Variants in CSF1 observed in about 807,000 individuals in gnomAD.
CSF1 encodes the protein colony stimulating factor 1.
Under a neutral mutation model 48.9 loss-of-function variants are expected in CSF1, and 9 were observed. That is an observed-to-expected ratio of 0.18 (90% CI 0.11 to 0.32). CSF1 has a LOEUF of 0.32. Ranked by LOEUF, CSF1 falls within the 10% of genes least tolerant of loss-of-function variation. CSF1 has a pLI of 1.00. For synonymous variants in CSF1, 305 were observed against 284.1 expected (o/e 1.07, Z -0.74); for missense variants, 672 against 697.9 (o/e 0.96, Z 0.42).
chr1:109,924,085 C>A lies in CSF1; in HGVS notation c.1464C>A (p.Ser488=). ...DTGHERQSEG[S]FSPQLQESVF... is the part of the protein sequence containing the mutation. ...GCCATGAGAGGCAGTCCGAGGGATC[C>A]TTCAGCCCGCAGCTCCAGGAGTCTG... Residue 488 remains serine, a synonymous_variant, in exon 6 of 9, where the codon TCC becomes TCA. Coordinates refer to ENST00000329608, the MANE Select transcript of CSF1 (RefSeq NM_000757.6). 1 of 1,614,196 alleles carries A rather than the reference C, an allele frequency of 6.2e-7. No individual in the cohort carries two copies. The highest frequency in any genetic ancestry group is 8.5e-7 in the Non-Finnish European group (1 of 1,180,012).
Position 109,923,211 on chromosome 1 carries a change from T to C in CSF1, c.590T>C (p.Ile197Thr). The change falls in exon 6 of 9, where the codon ATC becomes ACC. Residue 197 changes from isoleucine (I) to threonine (T), a missense_variant. This residue lies in a region of CSF1 where 591 missense variants were observed against 593.6 expected (regional missense o/e 1.00). Transcript: ENST00000329608. ...PDCNCLYPKA[I>T]PSSDPASVSP... ...TGCAACTGCCTGTACCCCAAAGCCATCCCTAGCAGTGACCCGGCCTCTGTC... is the reference window on the plus strand; with the variant it reads ...TGCAACTGCCTGTACCCCAAAGCCACCCCTAGCAGTGACCCGGCCTCTGTC... 1 of 1,542,494 alleles carries C rather than the reference T, an allele frequency of 6.5e-7. No individual in the cohort carries two copies. The highest frequency in any genetic ancestry group is 8.7e-7 in the Non-Finnish European group (1 of 1,146,738).
At chr1:109,911,103 G>A in intron 1 of CSF1, 41 bp downstream of exon 1, 1 of 1,005,242 alleles carries the variant, frequency 9.9e-7, no homozygotes, top group Non-Finnish European at 1.2e-6. Context: ...ACGGGCTGGG[G>A]CGGGGGCTCG....
At position 109,919,047 on chromosome 1, in the gene CSF1, GT is replaced by G. The variant is rs369445047; in HGVS notation, c.396+1586del. Among the ~76,000 whole-genome samples the G allele has an allele frequency of 7.7e-4, 118 of 152,272 alleles. 2 individuals are homozygous for G. The South Asian group carries it at 0.024, about 31-fold the overall frequency. ...AAGGGATGGAGATTCATAAAAAAGCGTTGAGAAATCAAGCAAGGTGAGGGCT... is the reference window on the plus strand; with the variant it reads ...AAGGGATGGAGATTCATAAAAAAGCGTGAGAAATCAAGCAAGGTGAGGGCT... On this transcript the variant is annotated intron_variant, in intron 4 of 8. Coordinates refer to ENST00000329608, the MANE Select transcript of CSF1 (RefSeq NM_000757.6).
rs1447256991 is a variant in CSF1, at chr1:109,910,975, C to T, written c.-49C>T. On this transcript the variant is annotated 5_prime_UTR_variant, in exon 1 of 9. Transcript: ENST00000329608. ...CACTCCGCAGCAGCCAGCGAGCGAG[C>T]GAGCGAGCGAGGGCGGCCGACGCGC... 2 of 1,144,078 alleles carry T rather than the reference C, an allele frequency of 1.7e-6. No individual in the cohort carries two copies. The highest frequency in any genetic ancestry group is 1.1e-6 in the Non-Finnish European group (1 of 932,206). 70.9% of individuals were successfully genotyped at this position (1,144,078 alleles called of 1,614,324 possible). A position where few individuals can be genotyped will look rare whatever the true frequency, so the allele number is the denominator to read the frequency against.
intron 4 of CSF1, among the ~76,000 whole-genome samples, chr1:109,919,780 G>A (rs978351382): frequency 6.6e-5 from 10 of 151,280 alleles, no homozygotes; most frequent in South Asian, 2.1e-4. Flanking sequence ...CCAACAGGGC[G>A]AAACCCCATC....
At chr1:109,924,454 T>C (rs1647745318) in intron 6 of CSF1, among the ~76,000 whole-genome samples, 1 of 151,866 alleles carries the variant, frequency 6.6e-6, no homozygotes, top group Non-Finnish European at 1.5e-5. Flanking sequence ...CAGGATGATA[T>C]CCAGACGGGC....
chr1:109,915,687 G>C lies in CSF1; in HGVS notation c.216G>C (p.Gln72His), dbSNP rs1180101571. ...SCQITFEFVD[Q>H]EQLKDPVCYL... The stretch of plus-strand genomic sequence containing the variant: ...AAATTACATTTGAGTTTGTAGACCA[G>C]GAACAGTTGGTGAGTGATGGCTTTT... The change falls in exon 3 of 9, where the codon CAG becomes CAC. Residue 72 changes from glutamine to histidine, a missense_variant. By Grantham distance (24) the Gln-to-His change is conservative. Coordinates refer to ENST00000329608, the MANE Select transcript of CSF1 (RefSeq NM_000757.6). 6.2e-7 allele frequency: 1 copy of C among 1,613,646 alleles called. No homozygotes were observed. The highest frequency in any genetic ancestry group is 8.5e-7 in the Non-Finnish European group (1 of 1,179,542).
At chr1:109,914,850 C>A (rs901545124) in intron 2 of CSF1, among the ~76,000 whole-genome samples, 2 of 152,252 alleles carry the variant, frequency 1.3e-5, no homozygotes, top group African/African-American at 4.8e-5. Flanking sequence ...TAACTCCCAG[C>A]CTTCCACACT....
intron 8 of CSF1, 58 bp downstream of exon 8, chr1:109,925,260 C>T (rs901911909): frequency 5.5e-6 from 8 of 1,459,258 alleles, no homozygotes; most frequent in South Asian, 1.1e-5. Flanking sequence ...TTTCCAGTCA[C>T]GTTCACCTGT....
Position 109,923,034 on chromosome 1 carries a change from G to A in CSF1, c.545-132G>A. 7 of 837,164 alleles carry A rather than the reference G, an allele frequency of 8.4e-6. 1 individual carries two copies. The South Asian group carries it at 1.3e-4, about 15-fold the overall frequency. The allele number at this position is 837,164 out of a possible 1,614,324, so 51.9% of individuals were successfully genotyped here. A position where few individuals can be genotyped will look rare whatever the true frequency, so the allele number is the denominator to read the frequency against. On this transcript the variant is annotated intron_variant, in intron 5 of 8. Coordinates refer to ENST00000329608, the MANE Select transcript of CSF1 (RefSeq NM_000757.6). The stretch of plus-strand genomic sequence containing the variant: ...AGTCCCATCCTCTTCTCAGCCCCAG[G>A]GCTGAGCTAGGAGATGAGGGCCCCC...
At chr1:109,928,004 G>C (rs922491350) in intron 8 of CSF1, among the ~76,000 whole-genome samples, 1 of 152,212 alleles carries the variant, frequency 6.6e-6, no homozygotes, top group African/African-American at 2.4e-5. Flanking sequence ...CATGGGAATG[G>C]GCAGGGAGCC....
In CSF1 at chr1:109,923,735, C is replaced by T; in HGVS notation, c.1114C>T (p.Pro372Ser). Residue 372 changes from proline to serine, a missense_variant, in exon 6 of 9, where the codon CCC (proline) becomes TCC (serine). Transcript: ENST00000329608. ...TGGTACCGCCTTGCCCAGGGTGGGC[C>T]CCGTGAGGCCCACTGGCCAGGACTG... ...VTGTALPRVG[P>S]VRPTGQDWNH... 1 of 1,611,314 alleles carries T rather than the reference C, an allele frequency of 6.2e-7. No homozygotes were observed. The highest frequency in any genetic ancestry group is 8.5e-7 in the Non-Finnish European group (1 of 1,178,570).
rs767343227 is a variant in CSF1, at chr1:109,925,158, A to T, written c.1634A>T (p.Gln545Leu). ...TGCTCTGCCTGCAGCCCCCTGACTC[A>T]GGATGACAGACAGGTGGAACTGCCA... Reference protein sequence around the residue: ...LEQPEGSPLTQDDRQVELPV With the variant: ...LEQPEGSPLTLDDRQVELPV The change falls in exon 8 of 9, where the codon CAG becomes CTG. Residue 545 changes from glutamine to leucine, a missense_variant. Gln to Leu is a moderately radical substitution (Grantham distance 113). This residue lies in a region of CSF1 where 591 missense variants were observed against 593.6 expected (regional missense o/e 1.00). Transcript: ENST00000329608. 1 of 1,613,862 alleles carries T rather than the reference A, an allele frequency of 6.2e-7. No homozygotes were observed. Among genetic ancestry groups the T allele is most frequent in the Non-Finnish European group, 8.5e-7 (1 of 1,179,946 alleles).
In CSF1 at chr1:109,924,185, C is replaced by A. The variant is rs576127753; in HGVS notation, c.1564C>A (p.Arg522=). The change falls in exon 6 of 9, where the codon CGG becomes AGG. Residue 522 remains arginine (R), a synonymous_variant. Coordinates refer to ENST00000329608, the MANE Select transcript of CSF1 (RefSeq NM_000757.6). ...AGGCCTCTTGTTCTACAGGTGGAGG[C>A]GGCGGGTGAGTAGATCCCCATGAGG... ...VGGLLFYRWR[R]RSHQEPQRAD... is the part of the protein sequence containing the mutation. The A allele has an allele frequency of 6.2e-7, 1 of 1,605,332 alleles. No individual in the cohort carries two copies. Among genetic ancestry groups the A allele is most frequent in the East Asian group, 2.2e-5 (1 of 44,816 alleles).
At chr1:109,922,204 T>A (rs1647589968) in intron 5 of CSF1, 1 of 443,330 alleles carries the variant, frequency 2.3e-6, no homozygotes, top group South Asian at 6.3e-5. Flanking sequence ...TGTGTGTGCA[T>A]GCACACCTAC....
chr1:109,913,403 A>G (rs547132009), intron 1 of CSF1, among the ~76,000 whole-genome samples: 1 of 152,176 alleles, frequency 6.6e-6, no homozygotes, highest in Non-Finnish European at 1.5e-5. Context: ...AGGGGTAGGG[A>G]TGAGGAGACC....
At chr1:109,921,265 C>T (rs924938217) in intron 4 of CSF1, among the ~76,000 whole-genome samples, 4 of 152,230 alleles carry the variant, frequency 2.6e-5, no homozygotes, top group East Asian at 1.9e-4. Flanking sequence ...TCTCTTGCCA[C>T]GCTCCTCCTA....
At chr1:109,914,197 AGGGCATGGG>A in intron 1 of CSF1, 53 bp from the exon 2 acceptor site, 2 of 1,503,116 alleles carry the variant, frequency 1.3e-6, no homozygotes, top group Non-Finnish European at 1.8e-6. Context: ...TGCGTTGAGC[AGGGCATGGG>A]GATAACTGGG....
chr1:109,927,421 A>C (rs1647888336), intron 8 of CSF1, among the ~76,000 whole-genome samples: 1 of 152,192 alleles, frequency 6.6e-6, no homozygotes, highest in South Asian at 2.1e-4. Flanking sequence ...GGGCACTGGC[A>C]AGACTGTGAA....
Sources: gnomAD v4.1 joint callset for allele counts (sites outside exome capture counted in the v4.1 genomes callset) on GRCh38, gnomAD v4.1.1 for gene constraint, gnomAD v4.1.1 regional missense constraint, MANE v1.5 for transcripts, NCBI Gene and HGNC (gene_info 2026-07-23, HGNC 2026-07-21) for gene names.